MAGI2: variants seen among roughly 807,000 people sequenced by gnomAD.
The protein encoded by MAGI2 is membrane-associated guanylate kinase, WW and PDZ domain-containing protein 2.
MAGI2 carries 35 observed loss-of-function variants against 133.3 expected under a neutral mutation model. The ratio of observed to expected loss-of-function variants is 0.26; its 90% CI spans 0.20 to 0.35. The LOEUF (loss-of-function observed/expected upper bound fraction) is 0.35. Ranked by LOEUF, MAGI2 falls within the 10% of genes least tolerant of loss-of-function variation. The pLI, the probability that MAGI2 is intolerant of heterozygous loss-of-function variation, is 1.00. For missense variants in MAGI2, 1,636 were observed against 1,863.4 expected (o/e 0.88, Z 2.25); for synonymous variants, 729 against 710.6 (o/e 1.03, Z -0.41).
At chr7:78,808,868 A>G (rs1408675838) in intron 2 of MAGI2, among the ~76,000 whole-genome samples, 1 of 152,186 alleles carries the variant, frequency 6.6e-6, no homozygotes, top group East Asian at 1.9e-4. Flanking sequence ...CCATGATGTG[A>G]TAAAGCTACA....
intron 15 of MAGI2, among the ~76,000 whole-genome samples, chr7:78,163,435 G>C (rs894777902): frequency 6.6e-6 from 1 of 152,064 alleles, no homozygotes; most frequent in Admixed American, 6.5e-5. Flanking sequence ...CACCGTGCCT[G>C]GCCTAAATAA....
intron 2 of MAGI2, among the ~76,000 whole-genome samples, chr7:78,882,083 CAACAAAAA>C (rs1795897459): frequency 7.0e-5 from 1 of 14,340 alleles, no homozygotes; most frequent in African/African-American, 3.2e-4. Flanking sequence ...ACAACAACAA[CAACAAAAA>C]AAAAAAAAAA....
chr7:78,993,626 G>C (rs767481015), intron 2 of MAGI2, among the ~76,000 whole-genome samples: 47 of 151,926 alleles, frequency 3.1e-4, no homozygotes, highest in Non-Finnish European at 5.6e-4. Flanking sequence ...CAGTTATGCT[G>C]GTGGGGCAGT....
intron 1 of MAGI2, among the ~76,000 whole-genome samples, chr7:79,378,926 G>GTGTGTATATATATATATA (rs1158436636): frequency 2.1e-5 from 2 of 94,600 alleles, no homozygotes; most frequent in African/African-American, 7.2e-5. Flanking sequence ...ATGTGTGTGT[G>GTGTGTATATATATATATA]TATATATATA....
At chr7:78,538,978 G>C (rs1798190176) in intron 3 of MAGI2, among the ~76,000 whole-genome samples, 1 of 152,176 alleles carries the variant, frequency 6.6e-6, no homozygotes, top group African/African-American at 2.4e-5. Flanking sequence ...CTACTTAAAA[G>C]ATACAGTGGA....
chr7:78,229,697 A>G (rs1789761743), intron 10 of MAGI2, among the ~76,000 whole-genome samples: 1 of 152,228 alleles, frequency 6.6e-6, no homozygotes, highest in Non-Finnish European at 1.5e-5. Flanking sequence ...CCAGTAAGCC[A>G]GGTTCCTAAA....
chr7:79,119,949 A>AT (rs952709326), intron 1 of MAGI2, among the ~76,000 whole-genome samples: 2 of 152,044 alleles, frequency 1.3e-5, no homozygotes, highest in African/African-American at 4.8e-5. Flanking sequence ...GCCCTGAGTC[A>AT]TTTTTTTCTG....
At chr7:78,052,667 G>A (rs560732855) in intron 21 of MAGI2, among the ~76,000 whole-genome samples, 1 of 152,212 alleles carries the variant, frequency 6.6e-6, no homozygotes, top group South Asian at 2.1e-4. Context: ...GGCTACTGGG[G>A]AAAAAAATAC....
chr7:79,077,574 C>CAAAAAAAAAAAAAAA lies in MAGI2; in HGVS notation c.302-70383_302-70369dup, dbSNP rs769770373. 1.0e-3 allele frequency among the ~76,000 whole-genome samples: 24 copies of CAAAAAAAAAAAAAAA among 23,772 alleles called. 2 individuals carry two copies. Among genetic ancestry groups the CAAAAAAAAAAAAAAA allele is most frequent in the African/African-American group, 2.9e-3 (19 of 6,586 alleles). The allele number at this position is 23,772 out of a possible 152,430, so 15.6% of individuals were successfully genotyped here. On this transcript the variant is annotated intron_variant, in intron 1 of 21. Coordinates refer to ENST00000354212, the MANE Select transcript of MAGI2 (RefSeq NM_012301.4). ...TGGGCAACAGAGCGAGACTGCCTCT[C>CAAAAAAAAAAAAAAA]AAAAAAAAAAAAAAAAAAAAATAAA...
At chr7:78,641,097 T>G (rs979656475) in intron 2 of MAGI2, among the ~76,000 whole-genome samples, 5 of 152,176 alleles carry the variant, frequency 3.3e-5, no homozygotes, top group African/African-American at 1.2e-4. Context: ...AAGAAGGACA[T>G]GTTTGCTTCC....
At chr7:78,672,171 A>G (rs755875473) in intron 2 of MAGI2, among the ~76,000 whole-genome samples, 2 of 152,080 alleles carry the variant, frequency 1.3e-5, no homozygotes, top group African/African-American at 2.4e-5. Flanking sequence ...GGTGGGGCCT[A>G]GTGGGAAATG....
chr7:79,398,270 CT>C (rs1731726504), intron 1 of MAGI2, among the ~76,000 whole-genome samples: 3 of 152,160 alleles, frequency 2.0e-5, no homozygotes, highest in South Asian at 2.1e-4. Flanking sequence ...ACACCAAAAT[CT>C]TTTTTCTTAG....
chr7:78,181,195 GAACTTAAA>G (rs1350881833), intron 13 of MAGI2, among the ~76,000 whole-genome samples: 1 of 151,964 alleles, frequency 6.6e-6, no homozygotes, highest in Admixed American at 6.6e-5. Context: ...ATTAATGCAA[GAACTTAAA>G]GTGAAGAAAT....
At chr7:78,339,795 T>G (rs17150550) in intron 9 of MAGI2, among the ~76,000 whole-genome samples, 5,597 of 152,308 alleles carry the variant, frequency 0.037, 156 homozygotes, top group South Asian at 0.13. Context: ...TAGAAAATTA[T>G]GTACACATGA....
intron 2 of MAGI2, among the ~76,000 whole-genome samples, chr7:78,948,227 T>A (rs1332101705): frequency 6.6e-6 from 1 of 152,104 alleles, no homozygotes; most frequent in Non-Finnish European, 1.5e-5. Flanking sequence ...CACTTCATTT[T>A]ACATTTATAC....
At chr7:78,444,573 C>G (rs1787945991) in intron 6 of MAGI2, among the ~76,000 whole-genome samples, 1 of 151,976 alleles carries the variant, frequency 6.6e-6, no homozygotes, top group South Asian at 2.1e-4. Context: ...CATCAAAAAA[C>G]TGATTAGTAT....
chr7:78,381,799 C>G (rs1324311826), intron 6 of MAGI2, among the ~76,000 whole-genome samples: 1 of 152,144 alleles, frequency 6.6e-6, no homozygotes, highest in East Asian at 1.9e-4. Context: ...ACAACACACT[C>G]TTAGACAAGG....
intron 3 of MAGI2, chr7:78,568,412 T>G (rs1373129018): frequency 6.6e-6 from 1 of 152,230 alleles, no homozygotes; most frequent in Non-Finnish European, 1.5e-5. Flanking sequence ...CCCAGAACAT[T>G]TGATTTTGCA....
chr7:78,753,015 C>A (rs1202228066), intron 2 of MAGI2, among the ~76,000 whole-genome samples: 1 of 152,108 alleles, frequency 6.6e-6, no homozygotes, highest in African/African-American at 2.4e-5. Flanking sequence ...AGGGATTAAC[C>A]ACCTGCTAAA....
Sources: allele counts gnomAD v4.1 joint callset (sites outside exome capture counted in the v4.1 genomes callset), GRCh38; gene constraint gnomAD v4.1.1; transcripts MANE v1.5; gene names NCBI Gene and HGNC (gene_info 2026-07-23, HGNC 2026-07-21).